The following CHCHD3 variants were observed in gnomAD, a reference collection of about 807,000 sequenced individuals.
The protein encoded by CHCHD3 is MICOS complex subunit MIC19.
CHCHD3 carries 20 observed loss-of-function variants against 38.2 expected under a neutral mutation model. The ratio of observed to expected loss-of-function variants is 0.52; its 90% CI spans 0.37 to 0.76. The LOEUF is 0.76. Among genes scored for constraint, CHCHD3 ranks in the 30% least tolerant of loss-of-function variants. The pLI is 0.00. For missense variants in CHCHD3, 245 were observed against 279.2 expected, an observed-to-expected ratio of 0.88 and a Z score of 0.87; for synonymous variants, 82 against 100.0, an observed-to-expected ratio of 0.82 and a Z score of 1.07.
At chr7:132,988,854 G>A (rs1046842814) in intron 3 of CHCHD3, among the ~76,000 whole-genome samples, 5 of 152,064 alleles carry the variant, frequency 3.3e-5, no homozygotes, top group African/African-American at 1.2e-4. Flanking sequence ...AGGATTTGGA[G>A]GCTGCACTGA....
At chr7:133,058,334 G>A (rs1814402821) in intron 2 of CHCHD3, among the ~76,000 whole-genome samples, 1 of 151,696 alleles carries the variant, frequency 6.6e-6, no homozygotes, top group Non-Finnish European at 1.5e-5. Flanking sequence ...TCGATCTCCT[G>A]GGCTCAAGGG....
intron 6 of CHCHD3, among the ~76,000 whole-genome samples, chr7:132,837,838 G>A (rs1324869488): frequency 1.3e-5 from 2 of 152,122 alleles, no homozygotes; most frequent in Non-Finnish European, 2.9e-5. Flanking sequence ...TATGGGACAC[G>A]GACACTTTGA....
intron 5 of CHCHD3, among the ~76,000 whole-genome samples, chr7:132,884,584 G>C (rs1057167827): frequency 3.3e-5 from 5 of 152,112 alleles, no homozygotes; most frequent in African/African-American, 1.2e-4. Flanking sequence ...TACTGAGTGA[G>C]GGTTAATAGT....
intron 5 of CHCHD3, among the ~76,000 whole-genome samples, chr7:132,848,849 C>T (rs1198305218): frequency 6.6e-6 from 1 of 152,136 alleles, no homozygotes; most frequent in East Asian, 1.9e-4. Flanking sequence ...GGCCTTGAGT[C>T]CACTTCACTG....
At position 133,081,972 on chromosome 7, in the gene CHCHD3, G is replaced by A; in HGVS notation, c.-35C>T. The A allele has an allele frequency of 4.0e-6, 6 of 1,511,140 alleles. No individual in the cohort carries two copies. The highest frequency in any genetic ancestry group is 3.8e-5 in the South Asian group (3 of 78,436). The allele number at this position is 1,511,140 out of a possible 1,614,324, so 93.6% of individuals were successfully genotyped here. A position where few individuals can be genotyped will look rare whatever the true frequency, so the allele number is the denominator to read the frequency against. ...TCCTGCCCCAGCGGAGACCTAGCGG[G>A]GAACCACGAGCACTTCGGGGCCCCC... On this transcript the variant is annotated 5_prime_UTR_variant, in exon 1 of 8. Transcript: ENST00000262570.
At chr7:132,906,649 G>C (rs1156944776) in intron 4 of CHCHD3, among the ~76,000 whole-genome samples, 1 of 149,996 alleles carries the variant, frequency 6.7e-6, no homozygotes, top group Non-Finnish European at 1.5e-5. Flanking sequence ...CTTTTTGTCT[G>C]GTGTCAGATG....
chr7:132,984,358 C>G (rs1252424498), intron 3 of CHCHD3, among the ~76,000 whole-genome samples: 1 of 151,896 alleles, frequency 6.6e-6, no homozygotes, highest in African/African-American at 2.4e-5. Context: ...GTCGCGTTCA[C>G]TCAGTGCTCA....
chr7:132,907,422 G>C (rs1417370074), intron 4 of CHCHD3, among the ~76,000 whole-genome samples: 1 of 152,132 alleles, frequency 6.6e-6, no homozygotes, highest in Non-Finnish European at 1.5e-5. Context: ...GGAAAATAAA[G>C]GATTTCATCA....
intron 4 of CHCHD3, among the ~76,000 whole-genome samples, chr7:132,971,979 C>T (rs1164054379): frequency 2.0e-5 from 3 of 150,948 alleles, no homozygotes; most frequent in Non-Finnish European, 4.4e-5. Context: ...TAACAAACAA[C>T]AGCAGGCTTG....
intron 2 of CHCHD3, among the ~76,000 whole-genome samples, chr7:133,041,066 T>C (rs925000094): frequency 2.0e-5 from 3 of 152,182 alleles, no homozygotes; most frequent in South Asian, 4.1e-4. Flanking sequence ...GCTAAGAAGG[T>C]CGCCTGTAGA....
intron 5 of CHCHD3, among the ~76,000 whole-genome samples, chr7:132,870,360 A>G (rs1261648064): frequency 6.6e-6 from 1 of 151,796 alleles, no homozygotes; most frequent in African/African-American, 2.4e-5. Flanking sequence ...CCAAAAAAAA[A>G]AAAAAAAAAA....
intron 2 of CHCHD3, among the ~76,000 whole-genome samples, chr7:133,063,143 A>G (rs1814566934): frequency 6.6e-6 from 1 of 152,198 alleles, no homozygotes; most frequent in East Asian, 1.9e-4. Flanking sequence ...CCTCCTCTCA[A>G]TTTTAAAATA....
chr7:132,827,465 G>C (rs766356503), intron 6 of CHCHD3, among the ~76,000 whole-genome samples: 28 of 152,192 alleles, frequency 1.8e-4, no homozygotes, highest in Non-Finnish European at 3.4e-4. Flanking sequence ...CCTGTCACAT[G>C]AGGTCAGGTG....
intron 2 of CHCHD3, among the ~76,000 whole-genome samples, chr7:133,025,375 C>G (rs753611871): frequency 6.6e-6 from 1 of 152,198 alleles, no homozygotes; most frequent in Non-Finnish European, 1.5e-5. Flanking sequence ...GAGGCTTCCA[C>G]AAGAAATAAA....
chr7:132,886,370 C>A (rs1054250823), intron 4 of CHCHD3, among the ~76,000 whole-genome samples: 2 of 151,704 alleles, frequency 1.3e-5, no homozygotes, highest in East Asian at 3.9e-4. Flanking sequence ...TTTTTTAAAA[C>A]AAAATCAAAA....
intron 5 of CHCHD3, among the ~76,000 whole-genome samples, chr7:132,863,110 G>A (rs1006741013): frequency 1.3e-5 from 2 of 152,256 alleles, no homozygotes; most frequent in Admixed American, 1.3e-4. Context: ...GGTAACTCTT[G>A]CCCGGAAGGT....
intron 5 of CHCHD3, among the ~76,000 whole-genome samples, chr7:132,860,099 T>A (rs1437421501): frequency 6.6e-6 from 1 of 151,918 alleles, no homozygotes; most frequent in Admixed American, 6.6e-5. Flanking sequence ...GGCAAAACCA[T>A]GTCTACACAA....
rs958135827 is a variant in CHCHD3, at chr7:132,834,933, C to CT, written c.524+3465dup. Among the ~76,000 whole-genome samples, 7 of 151,404 alleles carry CT rather than the reference C, an allele frequency of 4.6e-5. No homozygotes were observed. In the East Asian group the frequency reaches 7.8e-4, roughly 17 times the overall value. ...AGGGGCCCAGCAAGAATAGCAATTTCTTTTTTTTCCTCTCATTTATTTATT... is the reference window on the plus strand; with the variant it reads ...AGGGGCCCAGCAAGAATAGCAATTTCTTTTTTTTTCCTCTCATTTATTTATT... On this transcript the variant is annotated intron_variant, in intron 6 of 7. Transcript: ENST00000262570.
At chr7:132,807,626 T>C (rs551784493) in intron 6 of CHCHD3, among the ~76,000 whole-genome samples, 2 of 137,676 alleles carry the variant, frequency 1.5e-5, no homozygotes, top group Admixed American at 1.4e-4. Context: ...TATATATATA[T>C]ATATATATAT....
Sources: allele counts gnomAD v4.1 joint callset (sites outside exome capture counted in the v4.1 genomes callset), GRCh38; gene constraint gnomAD v4.1.1; transcripts MANE v1.5; gene names NCBI Gene and HGNC (gene_info 2026-07-23, HGNC 2026-07-21).